The following SLC30A9 variants were observed in gnomAD, a reference collection of about 807,000 sequenced individuals.
The protein encoded by SLC30A9 is solute carrier family 30 member 9.
Under a neutral mutation model 87.5 loss-of-function variants are expected in SLC30A9, and 58 were observed. That is an observed-to-expected ratio of 0.66 (90% CI 0.54 to 0.82). SLC30A9 has a LOEUF of 0.82. Ranked by LOEUF, SLC30A9 falls within the 40% of genes least tolerant of loss-of-function variation. The pLI, the probability that SLC30A9 is intolerant of heterozygous loss-of-function variation, is 0.00. For missense variants in SLC30A9, 557 were observed against 679.1 expected, an observed-to-expected ratio of 0.82 and a Z score of 2.00; for synonymous variants, 234 against 233.0, an observed-to-expected ratio of 1.00 and a Z score of -0.04.
intron 6 of SLC30A9, chr4:42,029,943 C>CCCTA: frequency 1.2e-6 from 1 of 826,410 alleles, no homozygotes; most frequent in Admixed American, 1.8e-5. Context: ...GCAGAATTAT[C>CCCTA]CCTACTATGG....
chr4:42,022,865 A>G lies in SLC30A9; in HGVS notation c.462A>G (p.Arg154=). 1.9e-6 allele frequency: 3 copies of G among 1,601,458 alleles called. No individual in the cohort carries two copies. The highest frequency in any genetic ancestry group is 2.6e-6 in the Non-Finnish European group (3 of 1,172,778). Residue 154 remains arginine (R), a synonymous_variant, in exon 5 of 18, where the codon AGA becomes AGG. Transcript: ENST00000264451. ...SSDLEQLRKI[R]RRSPHEDTES... is the part of the protein sequence containing the mutation. Reference sequence around the variant, plus strand: ...ATCTAGAACAACTTCGAAAAATCAGACGACGAAGTCCCCATGAAGATACTG... The same window carrying G: ...ATCTAGAACAACTTCGAAAAATCAGGCGACGAAGTCCCCATGAAGATACTG...
At position 41,995,515 on chromosome 4, in the gene SLC30A9, A is replaced by T. The variant is rs1289049450; in HGVS notation, c.109+4755A>T. Among the ~76,000 whole-genome samples the T allele has an allele frequency of 3.3e-5, 5 of 152,196 alleles. No homozygotes were observed. In the East Asian group the frequency reaches 9.7e-4, roughly 29 times the overall value. ...ATATATTTAAAGTGCCATAGAAGAG[A>T]TAGGCAGGATGATGGGCTAGAAAGT... On this transcript the variant is annotated intron_variant, in intron 1 of 17. Transcript: ENST00000264451.
At chr4:42,008,816 T>C (rs1323882539) in intron 2 of SLC30A9, among the ~76,000 whole-genome samples, 1 of 152,234 alleles carries the variant, frequency 6.6e-6, no homozygotes, top group Non-Finnish European at 1.5e-5. Context: ...ATTTAATGGC[T>C]CCTTGTTTTC....
chr4:42,010,576 A>C (rs6818019), intron 2 of SLC30A9, among the ~76,000 whole-genome samples: 98,619 of 152,172 alleles, frequency 0.65, 36,089 homozygotes, highest in East Asian at 0.96. Context: ...TATACTAAAA[A>C]TTACCTGTAA....
Position 42,090,108 on chromosome 4 carries a change from AAGCTTTGGC to A in SLC30A9, c.*3986_*3994del, listed in dbSNP as rs1420736867. On this transcript the variant is annotated 3_prime_UTR_variant, in exon 18 of 18. Transcript: ENST00000264451. ...ATTATCTTCTTAGACTGCATTTGTC[AAGCTTTGGC>A]AGCATTTCTTTTAAATGTGATGAAC... The A allele has an allele frequency of 2.0e-5, 3 of 152,240 alleles. No homozygotes were observed. Among genetic ancestry groups the A allele is most frequent in the African/African-American group, 7.2e-5 (3 of 41,460 alleles). The allele number at this position is 152,240 out of a possible 1,614,324, so 9.4% of individuals were successfully genotyped here.
At chr4:41,994,859 T>C (rs559567502) in intron 1 of SLC30A9, among the ~76,000 whole-genome samples, 10 of 144,412 alleles carry the variant, frequency 6.9e-5, no homozygotes, top group South Asian at 2.3e-4. Context: ...CCATTTAGAC[T>C]GTCAATGCTC....
rs138641659 is a variant in SLC30A9 at position 42,052,160 on chromosome 4, T to C, written c.840+2681T>C. Among the ~76,000 whole-genome samples, 453 of 152,162 alleles carry C rather than the reference T, an allele frequency of 3.0e-3. 2 individuals are homozygous for C. The highest frequency in any genetic ancestry group is 0.01 in the African/African-American group (435 of 41,548). ...GGGAAGGAAATTTTAATAAATTCCA[T>C]AAGTAGTATCACAAAATATTAAATA... On this transcript the variant is annotated intron_variant, in intron 9 of 17. Coordinates refer to ENST00000264451, the MANE Select transcript of SLC30A9 (RefSeq NM_006345.4).
intron 8 of SLC30A9, among the ~76,000 whole-genome samples, chr4:42,039,728 T>C (rs1716843380): frequency 6.6e-6 from 1 of 152,174 alleles, no homozygotes; most frequent in Non-Finnish European, 1.5e-5. Context: ...CCCAAAGTGC[T>C]GGGATTACAG....
rs564343999 is a variant in SLC30A9, at chr4:41,995,613, G to C, written c.109+4853G>C. ...TTTTCTGAGGTAATGACTGAGCCTAGGCATGAAAGATGAAAATGAGCAAGC... is the reference window on the plus strand; with the variant it reads ...TTTTCTGAGGTAATGACTGAGCCTACGCATGAAAGATGAAAATGAGCAAGC... On this transcript the variant is annotated intron_variant, in intron 1 of 17. Coordinates refer to ENST00000264451, the MANE Select transcript of SLC30A9 (RefSeq NM_006345.4). 5.3e-5 allele frequency among the ~76,000 whole-genome samples: 8 copies of C among 152,260 alleles called. 1 individual carries two copies. In the South Asian group the frequency reaches 1.7e-3, roughly 32 times the overall value.
At chr4:42,054,548 T>G (rs1717524097) in intron 9 of SLC30A9, among the ~76,000 whole-genome samples, 1 of 150,030 alleles carries the variant, frequency 6.7e-6, no homozygotes, top group South Asian at 2.1e-4. Flanking sequence ...TGGAGTGCAA[T>G]GGCATGATCT....
Position 42,022,971 on chromosome 4 carries a change from T to G in SLC30A9, c.527+41T>G, listed in dbSNP as rs374851277. 65 of 1,134,978 alleles carry G rather than the reference T, an allele frequency of 5.7e-5. No homozygotes were observed. In the African/African-American group the frequency reaches 9.8e-4, roughly 17 times the overall value. 70.3% of individuals were successfully genotyped at this position (1,134,978 alleles called of 1,614,324 possible). A position where few individuals can be genotyped will look rare whatever the true frequency, so the allele number is the denominator to read the frequency against. On this transcript the variant is annotated intron_variant, in intron 5 of 17. Transcript: ENST00000264451. ...TTTCAGAATAAAAGTGCAAACCAAA[T>G]TTTGGATTAATAAAAATACATTTTA...
At chr4:42,034,742 A>G (rs1477690055) in intron 6 of SLC30A9, among the ~76,000 whole-genome samples, 1 of 152,216 alleles carries the variant, frequency 6.6e-6, no homozygotes, top group Non-Finnish European at 1.5e-5. Flanking sequence ...GAACATGGGC[A>G]TGTAAATAGC....
intron 17 of SLC30A9, chr4:42,078,827 G>A (rs977033094): frequency 1.3e-5 from 2 of 152,138 alleles, no homozygotes; most frequent in Admixed American, 6.5e-5. Context: ...CTTTTAAAAT[G>A]TCTCAGTGTT....
intron 5 of SLC30A9, 92 bp from the exon 6 acceptor site, chr4:42,023,210 T>C (rs1237639798): frequency 1.1e-6 from 1 of 905,856 alleles, no homozygotes; most frequent in East Asian, 2.4e-5. Flanking sequence ...TACACTTTGT[T>C]GTAAGATTCT....
chr4:42,053,254 G>T, intron 9 of SLC30A9, among the ~76,000 whole-genome samples: 1 of 152,170 alleles, frequency 6.6e-6, no homozygotes, highest in Non-Finnish European at 1.5e-5. Context: ...CCCAGTCATT[G>T]CTGGTGTATT....
At chr4:42,079,965 A>G (rs1718695760) in intron 17 of SLC30A9, among the ~76,000 whole-genome samples, 1 of 152,240 alleles carries the variant, frequency 6.6e-6, no homozygotes, top group Admixed American at 6.5e-5. Flanking sequence ...AAACGTAGTT[A>G]GAAGAGTGAT....
chr4:42,069,698 C>T (rs75224755), intron 14 of SLC30A9, among the ~76,000 whole-genome samples: 5,798 of 152,210 alleles, frequency 0.038, 143 homozygotes, highest in African/African-American at 0.044. Context: ...AGATTTAAAA[C>T]GTATTTATTG....
intron 6 of SLC30A9, among the ~76,000 whole-genome samples, chr4:42,034,519 A>T (rs1047798885): frequency 2.0e-5 from 3 of 152,044 alleles, no homozygotes; most frequent in African/African-American, 7.3e-5. Flanking sequence ...GTGGAGTCAT[A>T]CAGTGTATGT....
At chr4:42,076,798 C>T (rs1326296984) in intron 16 of SLC30A9, among the ~76,000 whole-genome samples, 1 of 151,872 alleles carries the variant, frequency 6.6e-6, no homozygotes, top group Non-Finnish European at 1.5e-5. Context: ...CCCGTATCTA[C>T]TAAAAATACA....
Sources: gnomAD v4.1 joint callset for allele counts (sites outside exome capture counted in the v4.1 genomes callset) on GRCh38, gnomAD v4.1.1 for gene constraint, MANE v1.5 for transcripts, NCBI Gene and HGNC (gene_info 2026-07-23, HGNC 2026-07-21) for gene names.